CDK14: variants seen among roughly 807,000 people sequenced by gnomAD.
CDK14 encodes the protein cyclin-dependent kinase 14.
A neutral mutation model predicts 60.7 loss-of-function variants in CDK14; 34 were observed. The observed-to-expected ratio is 0.56, with a 90% CI of 0.43 to 0.75. The LOEUF is 0.75. CDK14 is among the 30% of genes least tolerant of loss of function. The pLI, the probability that CDK14 is intolerant of heterozygous loss-of-function variation, is 0.00. For synonymous variants in CDK14, 197 were observed against 203.7 expected (o/e 0.97, Z 0.28); for missense variants, 482 against 564.1 (o/e 0.85, Z 1.47).
chr7:90,752,918 A>G (rs556460677), intron 4 of CDK14, among the ~76,000 whole-genome samples: 4 of 152,274 alleles, frequency 2.6e-5, no homozygotes, highest in African/African-American at 7.2e-5. Context: ...TTTCTGGAAC[A>G]CATAACCTCC....
chr7:91,048,659 TCTC>T (rs1797306062), intron 11 of CDK14, among the ~76,000 whole-genome samples: 1 of 152,198 alleles, frequency 6.6e-6, no homozygotes, highest in Admixed American at 6.5e-5. Context: ...CACAGCTGCT[TCTC>T]CTCTCTATGC....
intron 14 of CDK14, among the ~76,000 whole-genome samples, chr7:91,178,694 A>G (rs530501769): frequency 6.6e-6 from 1 of 151,940 alleles, no homozygotes; most frequent in Non-Finnish European, 1.5e-5. Flanking sequence ...GCAGCCAAAA[A>G]ACACATGAAA....
chr7:90,636,156 A>T (rs1251429787), intron 2 of CDK14, among the ~76,000 whole-genome samples: 6 of 151,494 alleles, frequency 4.0e-5, no homozygotes, highest in Admixed American at 2.0e-4. Context: ...CCCTGGCCAG[A>T]ACTTCCAACA....
At chr7:90,922,642 A>G (rs1444211291) in intron 8 of CDK14, among the ~76,000 whole-genome samples, 1 of 152,170 alleles carries the variant, frequency 6.6e-6, no homozygotes, top group African/African-American at 2.4e-5. Context: ...TCTTTTCCCT[A>G]TCTTGAAACA....
At chr7:90,877,441 C>A (rs530401487) in intron 6 of CDK14, among the ~76,000 whole-genome samples, 7 of 151,758 alleles carry the variant, frequency 4.6e-5, no homozygotes, top group Non-Finnish European at 7.4e-5. Context: ...CTTGTGGTGG[C>A]AGCTATTTGC....
chr7:91,186,367 A>G lies in CDK14; in HGVS notation c.*29-20798A>G, dbSNP rs545107033. Among the ~76,000 whole-genome samples, 13 of 145,690 alleles carry G rather than the reference A, an allele frequency of 8.9e-5. No homozygotes were observed. The East Asian group carries it at 1.6e-3, about 18-fold the overall frequency. Reference sequence around the variant, plus strand: ...TGGATATACCACATTTTATTTATCTATTCTCTAGTTGATAGACCTCTGGTC... The same window carrying G: ...TGGATATACCACATTTTATTTATCTGTTCTCTAGTTGATAGACCTCTGGTC... On this transcript the variant is annotated intron_variant, in intron 14 of 14. Coordinates refer to ENST00000380050, the MANE Select transcript of CDK14 (RefSeq NM_001287135.2).
chr7:91,133,094 G>A (rs184772021), intron 14 of CDK14, among the ~76,000 whole-genome samples: 4 of 152,126 alleles, frequency 2.6e-5, no homozygotes, highest in East Asian at 3.9e-4. Flanking sequence ...ATGGAAAAGC[G>A]AGTTTCTAGG....
intron 12 of CDK14, among the ~76,000 whole-genome samples, chr7:91,106,604 G>A (rs1799306302): frequency 6.6e-6 from 1 of 152,132 alleles, no homozygotes; most frequent in African/African-American, 2.4e-5. Flanking sequence ...TAATATGATA[G>A]ATGAGACTGT....
chr7:91,074,352 C>T (rs560599646), intron 11 of CDK14, among the ~76,000 whole-genome samples: 4 of 152,300 alleles, frequency 2.6e-5, no homozygotes, highest in Admixed American at 2.6e-4. Flanking sequence ...GAAACTCACT[C>T]AAAACCACAC....
chr7:90,635,809 T>C (rs1368293876), intron 2 of CDK14, among the ~76,000 whole-genome samples: 3 of 152,052 alleles, frequency 2.0e-5, no homozygotes, highest in African/African-American at 7.2e-5. Context: ...TTTTATTTCA[T>C]TGAGCAGTGG....
intron 11 of CDK14, among the ~76,000 whole-genome samples, chr7:91,056,743 A>AT (rs1456719551): frequency 6.6e-6 from 1 of 152,098 alleles, no homozygotes; most frequent in Non-Finnish European, 1.5e-5. Context: ...TGAACTCATC[A>AT]TTTTTTATGG....
At chr7:90,857,224 A>G (rs1790853319) in intron 5 of CDK14, among the ~76,000 whole-genome samples, 3 of 152,122 alleles carry the variant, frequency 2.0e-5, no homozygotes, top group Admixed American at 6.6e-5. Context: ...AGTTTGGATG[A>G]AATTCATTTC....
intron 10 of CDK14, among the ~76,000 whole-genome samples, chr7:91,025,650 G>A (rs1015071886): frequency 3.9e-5 from 6 of 152,192 alleles, no homozygotes; most frequent in African/African-American, 1.4e-4. Flanking sequence ...AAGTGGCTCT[G>A]TTTGGGCATT....
At chr7:90,628,794 C>A (rs1378574777) in intron 2 of CDK14, among the ~76,000 whole-genome samples, 1 of 152,062 alleles carries the variant, frequency 6.6e-6, no homozygotes, top group Non-Finnish European at 1.5e-5. Flanking sequence ...TATGATCACA[C>A]CCACCACTGC....
chr7:90,767,248 T>C (rs1387108937), intron 4 of CDK14, among the ~76,000 whole-genome samples: 2 of 152,216 alleles, frequency 1.3e-5, no homozygotes, highest in Non-Finnish European at 2.9e-5. Flanking sequence ...CACTGAGTCA[T>C]GCAGGCCTGG....
At chr7:90,821,233 A>G (rs1249057800) in intron 5 of CDK14, among the ~76,000 whole-genome samples, 1 of 152,150 alleles carries the variant, frequency 6.6e-6, no homozygotes, top group Admixed American at 6.6e-5. Context: ...GATTCAGGAG[A>G]CACAGCTATA....
intron 4 of CDK14, among the ~76,000 whole-genome samples, chr7:90,772,764 G>T (rs1490615383): frequency 6.6e-6 from 1 of 152,038 alleles, no homozygotes; most frequent in East Asian, 1.9e-4. Flanking sequence ...TGTCTTTATA[G>T]CATGCAAGAA....
At chr7:90,824,389 G>A (rs1006785844) in intron 5 of CDK14, among the ~76,000 whole-genome samples, 2 of 152,164 alleles carry the variant, frequency 1.3e-5, no homozygotes, top group African/African-American at 4.8e-5. Context: ...GTAGCCATCT[G>A]CATCAACCTA....
At chr7:90,837,805 G>C (rs1306670823) in intron 5 of CDK14, among the ~76,000 whole-genome samples, 1 of 152,192 alleles carries the variant, frequency 6.6e-6, no homozygotes, top group Non-Finnish European at 1.5e-5. Context: ...CATCTCTGGT[G>C]TGAGGGTATG....
Sources: allele counts gnomAD v4.1 joint callset (sites outside exome capture counted in the v4.1 genomes callset), GRCh38; gene constraint gnomAD v4.1.1; transcripts MANE v1.5; gene names NCBI Gene and HGNC (gene_info 2026-07-23, HGNC 2026-07-21).